The following PRKCD variants were observed in gnomAD, a reference collection of about 807,000 sequenced individuals.
The protein encoded by PRKCD is protein kinase C delta, also known as protein kinase C delta type.
In PRKCD, 20 loss-of-function variants were observed where a neutral mutation model predicts 82.2. That is an observed-to-expected ratio of 0.24 (90% confidence interval 0.17 to 0.35). The LOEUF is 0.35. Ranked by LOEUF, PRKCD falls within the 10% of genes least tolerant of loss-of-function variation. The probability of loss-of-function intolerance (pLI) is 1.00; values close to 1 mark genes in which losing one functional copy is unlikely to be tolerated. For missense variants in PRKCD, 607 were observed against 899.0 expected (o/e 0.68, Z 4.15); for synonymous variants, 317 against 337.0 (o/e 0.94, Z 0.65).
intron 12 of PRKCD, 23 bp from the exon 13 acceptor site, chr3:53,186,144 C>T (rs1553668988): frequency 1.2e-6 from 2 of 1,611,718 alleles, no homozygotes; most frequent in South Asian, 1.1e-5. Context: ...CTCACCTGCT[C>T]AGCACCCGTG....
chr3:53,163,818 G>A (rs782453314), intron 1 of PRKCD, among the ~76,000 whole-genome samples: 18 of 152,106 alleles, frequency 1.2e-4, no homozygotes, highest in Non-Finnish European at 1.8e-4. Flanking sequence ...GAGGGGGGAT[G>A]CCCAGACAGA....
Position 53,175,490 on chromosome 3 carries a change from G to T in PRKCD, c.-19-2914G>T, listed in dbSNP as rs570596736. On this transcript the variant is annotated intron_variant, in intron 2 of 18. Transcript: ENST00000330452. Reference sequence around the variant, plus strand: ...GCTCATCAGGAAATGGGGGGGCTGAGGCTCAGAAAGGTCAAGTGACCTGCA... The same window carrying T: ...GCTCATCAGGAAATGGGGGGGCTGATGCTCAGAAAGGTCAAGTGACCTGCA... Among the ~76,000 whole-genome samples the T allele has an allele frequency of 4.6e-5, 7 of 152,256 alleles. No homozygotes were observed. The South Asian group carries it at 1.5e-3, about 32-fold the overall frequency.
In PRKCD at chr3:53,186,301, T is replaced by C; in HGVS notation, c.1221T>C (p.Asn407=). ...EKRVLTLAAE[N]PFLTHLICTF... ...GGGTGCTGACACTTGCCGCAGAGAA[T>C]CCCTTTCTCACCCACCTCATCTGCA... Residue 407 remains asparagine (N), a synonymous_variant, in exon 13 of 19, where the codon AAT becomes AAC. Coordinates refer to ENST00000330452, the MANE Select transcript of PRKCD (RefSeq NM_006254.4). 3 of 1,614,066 alleles carry C rather than the reference T, an allele frequency of 1.9e-6. No homozygotes were observed. Among genetic ancestry groups the C allele is most frequent in the South Asian group, 2.2e-5 (2 of 91,078 alleles).
intron 17 of PRKCD, 27 bp downstream of exon 17, chr3:53,189,273 GGTC>G: frequency 2.5e-6 from 2 of 798,022 alleles, no homozygotes; most frequent in Non-Finnish European, 3.4e-6. Flanking sequence ...GGGCTGGGCT[GGTC>G]TGGGCTGGGC....
intron 2 of PRKCD, among the ~76,000 whole-genome samples, chr3:53,178,019 C>T (rs1703275912): frequency 6.8e-6 from 1 of 147,536 alleles, no homozygotes; most frequent in Non-Finnish European, 1.5e-5. Context: ...GATCTTGGCT[C>T]ACTGCAACCT....
chr3:53,179,686 G>A lies in PRKCD; in HGVS notation c.225G>A (p.Arg75=). The A allele has an allele frequency of 6.2e-7, 1 of 1,611,662 alleles. No individual in the cohort carries two copies. Among genetic ancestry groups the A allele is most frequent in the Middle Eastern group, 1.7e-4 (1 of 6,060 alleles). The change falls in exon 4 of 19, where the codon CGG becomes CGA. Residue 75 remains arginine (R), a synonymous_variant. Transcript: ENST00000330452. ...EGRVIQIVLM[R]AAEEPVSEVT... ...GCGTCATCCAGATTGTGCTAATGCG[G>A]GCAGCAGAGGAGCCAGTGTCTGAGG...
At chr3:53,170,602 A>T (rs1369456975) in intron 2 of PRKCD, among the ~76,000 whole-genome samples, 2 of 152,196 alleles carry the variant, frequency 1.3e-5, no homozygotes, top group Non-Finnish European at 2.9e-5. Flanking sequence ...GCTCTGGATC[A>T]AGAGGGACTT....
In PRKCD at chr3:53,186,667, A is replaced by G. The variant is rs1553669224; in HGVS notation, c.1324A>G (p.Lys442Glu). 6.2e-6 allele frequency: 10 copies of G among 1,613,888 alleles called. No homozygotes were observed. Among genetic ancestry groups the G allele is most frequent in the Non-Finnish European group, 8.5e-6 (10 of 1,179,896 alleles). The change falls in exon 14 of 19, where the codon AAA becomes GAA. Residue 442 changes from lysine (K) to glutamate (E), a missense_variant. Physicochemically the swap from Lys to Glu is moderately conservative, Grantham distance 56. Transcript: ENST00000330452. ...GGDLMYHIQDKGRFELYRATF... is the reference protein window; with the variant it reads ...GGDLMYHIQDEGRFELYRATF... ...GGACCTGATGTACCACATCCAGGACAAAGGCCGCTTTGAACTCTACCGTGC... is the reference window on the plus strand; with the variant it reads ...GGACCTGATGTACCACATCCAGGACGAAGGCCGCTTTGAACTCTACCGTGC...
Position 53,185,028 on chromosome 3 carries a change from C to A in PRKCD, c.888+54C>A. ...ACAGGGCAGTGGGGTCAGGGACAGT[C>A]AAGGCTTACAGCCACTGCTGGGGAG... On this transcript the variant is annotated intron_variant, in intron 10 of 18. Coordinates refer to ENST00000330452, the MANE Select transcript of PRKCD (RefSeq NM_006254.4). 2.7e-6 allele frequency: 4 copies of A among 1,498,972 alleles called. No homozygotes were observed. The South Asian group carries it at 3.4e-5, about 13-fold the overall frequency. 92.9% of individuals were successfully genotyped at this position (1,498,972 alleles called of 1,614,324 possible).
chr3:53,185,461 AGCCCGAGTAGGGGGCCTGG>A, intron 10 of PRKCD, 124 bp from the exon 11 acceptor site: 1 of 692,384 alleles, frequency 1.4e-6, no homozygotes, highest in Non-Finnish European at 2.5e-6. Context: ...GTGTACACGC[AGCCCGAGTAGGGGGCCTGG>A]GCTGTGCCCC....
chr3:53,167,740 G>A (rs1206406939), intron 2 of PRKCD, among the ~76,000 whole-genome samples: 2 of 152,246 alleles, frequency 1.3e-5, no homozygotes, highest in Non-Finnish European at 2.9e-5. Context: ...TGGGACTGAT[G>A]AGGGGGTATT....
intron 15 of PRKCD, among the ~76,000 whole-genome samples, chr3:53,188,446 G>T (rs1553669865): frequency 6.6e-6 from 1 of 152,196 alleles, no homozygotes; most frequent in African/African-American, 2.4e-5. Context: ...TGACTGCTAG[G>T]GGACCCTGGG....
chr3:53,189,006 C>G, intron 16 of PRKCD, 52 bp from the exon 17 acceptor site: 1 of 1,578,854 alleles, frequency 6.3e-7, no homozygotes, highest in Non-Finnish European at 8.6e-7. Context: ...AGGGGCCCCT[C>G]TCAGCCTCAG....
At chr3:53,173,197 G>A (rs1260007768) in intron 2 of PRKCD, among the ~76,000 whole-genome samples, 2 of 152,254 alleles carry the variant, frequency 1.3e-5, no homozygotes, top group Admixed American at 6.5e-5. Context: ...ATCAGCACAC[G>A]TGTGGATGTG....
chr3:53,176,750 A>G (rs1371072641), intron 2 of PRKCD, among the ~76,000 whole-genome samples: 1 of 152,234 alleles, frequency 6.6e-6, no homozygotes, highest in East Asian at 1.9e-4. Flanking sequence ...GAAACCCAGG[A>G]GTGTGGGAGG....
At chr3:53,185,492 G>C (rs1206489454) in intron 10 of PRKCD, 112 bp from the exon 11 acceptor site, 30 of 877,862 alleles carry the variant, frequency 3.4e-5, no homozygotes, top group Non-Finnish European at 5.3e-5. Context: ...CTGTGCCCCT[G>C]TTGTCTCCTC....
chr3:53,173,276 C>T (rs1703100765), intron 2 of PRKCD, among the ~76,000 whole-genome samples: 1 of 152,146 alleles, frequency 6.6e-6, no homozygotes, highest in Admixed American at 6.5e-5. Flanking sequence ...CCCAAGGTCG[C>T]TCTGATCACC....
In PRKCD at chr3:53,170,423, T is replaced by C. The variant is rs541579259; in HGVS notation, c.-20+5208T>C. Among the ~76,000 whole-genome samples the C allele has an allele frequency of 1.4e-4, 22 of 152,298 alleles. No homozygotes were observed. In the East Asian group the frequency reaches 2.3e-3, roughly 16 times the overall value. On this transcript the variant is annotated intron_variant, in intron 2 of 18. Transcript: ENST00000330452. ...TGCCCGGCTTGCTGCCCTACCAACA[T>C]AGGTTCAAGCCCTCCCCTCCCCCTG...
chr3:53,175,052 G>T (rs1205208660), intron 2 of PRKCD, among the ~76,000 whole-genome samples: 1 of 152,186 alleles, frequency 6.6e-6, no homozygotes, highest in Non-Finnish European at 1.5e-5. Flanking sequence ...TGGTCCCCAC[G>T]CATACCTCCT....
Sources: allele counts gnomAD v4.1 joint callset (sites outside exome capture counted in the v4.1 genomes callset), GRCh38; gene constraint gnomAD v4.1.1; transcripts MANE v1.5; gene names NCBI Gene and HGNC (gene_info 2026-07-23, HGNC 2026-07-21).